The following ADGRL3 variants were observed in gnomAD, a reference collection of about 807,000 sequenced individuals.
ADGRL3 encodes calcium-independent alpha-latrotoxin receptor 3.
A neutral mutation model predicts 153.5 loss-of-function variants in ADGRL3; 62 were observed. That is an observed-to-expected ratio of 0.40 (90% CI 0.33 to 0.50). The LOEUF is 0.50. Ranked by LOEUF, ADGRL3 falls within the 20% of genes least tolerant of loss-of-function variation. The probability of loss-of-function intolerance (pLI) is 0.47; values close to 1 mark genes in which losing one functional copy is unlikely to be tolerated. For missense variants in ADGRL3, 1,641 were observed against 1,859.4 expected (o/e 0.88, Z 2.16); for synonymous variants, 710 against 672.5 (o/e 1.06, Z -0.86).
At chr4:61,948,776 A>G (rs190617730) in intron 17 of ADGRL3, among the ~76,000 whole-genome samples, 73 of 152,318 alleles carry the variant, frequency 4.8e-4, no homozygotes, top group Middle Eastern at 6.8e-3. Flanking sequence ...ATGCAAGAAG[A>G]CACTACTCTA....
At chr4:61,552,605 G>C (rs769168708) in intron 4 of ADGRL3, among the ~76,000 whole-genome samples, 1 of 151,906 alleles carries the variant, frequency 6.6e-6, no homozygotes, top group Non-Finnish European at 1.5e-5. Context: ...CTGACATCAG[G>C]GGTGTGTGCC....
chr4:61,826,096 T>C lies in ADGRL3; in HGVS notation c.1480+12207T>C, dbSNP rs917285379. Among the ~76,000 whole-genome samples the C allele has an allele frequency of 4.3e-4, 65 of 151,880 alleles. 2 individuals are homozygous for C. Among genetic ancestry groups the C allele is most frequent in the South Asian group, 4.2e-4 (2 of 4,790 alleles). On this transcript the variant is annotated intron_variant, in intron 9 of 26. Transcript: ENST00000683033. ...AGAAAAGATTTTTGCCCTCATGGACTTTACCTTGTAGTGGGAGATTTGGAC... is the reference window on the plus strand; with the variant it reads ...AGAAAAGATTTTTGCCCTCATGGACCTTACCTTGTAGTGGGAGATTTGGAC...
rs192288638 is a variant in ADGRL3 at position 61,234,683 on chromosome 4, A to T, written c.-240+32918A>T. On this transcript the variant is annotated intron_variant, in intron 1 of 26. Coordinates refer to ENST00000683033, the MANE Select transcript of ADGRL3 (RefSeq NM_001387552.1). ...TGGAGCTTAGAATAGAAGGAAAGAA[A>T]ATGTTTCAGAAGTTCTTGTTCAAGT... 4.6e-5 allele frequency among the ~76,000 whole-genome samples: 7 copies of T among 152,168 alleles called. No individual in the cohort carries two copies. In the East Asian group the frequency reaches 1.4e-3, roughly 29 times the overall value.
intron 9 of ADGRL3, among the ~76,000 whole-genome samples, chr4:61,825,741 A>G (rs1219140948): frequency 6.6e-6 from 1 of 152,232 alleles, no homozygotes; most frequent in Non-Finnish European, 1.5e-5. Flanking sequence ...ATTATAGGGT[A>G]AAGCTAACCA....
intron 9 of ADGRL3, among the ~76,000 whole-genome samples, chr4:61,873,457 A>G (rs549308919): frequency 4.6e-5 from 7 of 152,290 alleles, no homozygotes; most frequent in African/African-American, 1.7e-4. Context: ...TAAAATAGCA[A>G]AATAAAACCA....
At position 62,076,664 on chromosome 4, in the gene ADGRL3, G is replaced by A. The variant is rs952548636; in HGVS notation, c.*5756G>A. The A allele has an allele frequency of 1.2e-4, 18 of 151,818 alleles. No homozygotes were observed. The highest frequency in any genetic ancestry group is 2.4e-4 in the Non-Finnish European group (16 of 67,834). The allele number at this position is 151,818 out of a possible 1,614,324, so 9.4% of individuals were successfully genotyped here. A position where few individuals can be genotyped will look rare whatever the true frequency, so the allele number is the denominator to read the frequency against. ...TCTGATTTCATTCTGCTAATTCCACGGGAAACATTAAATACTTTAAACACT... is the reference window on the plus strand; with the variant it reads ...TCTGATTTCATTCTGCTAATTCCACAGGAAACATTAAATACTTTAAACACT... On this transcript the variant is annotated 3_prime_UTR_variant, in exon 27 of 27. Coordinates refer to ENST00000683033, the MANE Select transcript of ADGRL3 (RefSeq NM_001387552.1).
intron 9 of ADGRL3, among the ~76,000 whole-genome samples, chr4:61,865,111 T>C (rs1407728167): frequency 6.6e-6 from 1 of 152,192 alleles, no homozygotes; most frequent in African/African-American, 2.4e-5. Flanking sequence ...ACACTAAGCA[T>C]AAACTACGAA....
intron 4 of ADGRL3, among the ~76,000 whole-genome samples, chr4:61,559,716 T>C (rs1383325215): frequency 6.6e-6 from 1 of 152,014 alleles, no homozygotes; most frequent in African/African-American, 2.4e-5. Context: ...ATGAGCGAAA[T>C]ATTTGTGTCT....
rs554571189 is a variant in ADGRL3 at position 61,797,471 on chromosome 4, C to T, written c.1400-16338C>T. On this transcript the variant is annotated intron_variant, in intron 8 of 26. Transcript: ENST00000683033. ...TTAAACTGAGACTTGGTTTCCTCTC[C>T]GATAAAGTAGAAAGAACTGTAGCAA... Among the ~76,000 whole-genome samples, 58 of 151,916 alleles carry T rather than the reference C, an allele frequency of 3.8e-4. 2 individuals are homozygous for T. The highest frequency in any genetic ancestry group is 7.2e-4 in the Non-Finnish European group (49 of 67,986).
At chr4:61,916,574 C>G (rs2098746041) in intron 13 of ADGRL3, among the ~76,000 whole-genome samples, 2 of 149,548 alleles carry the variant, frequency 1.3e-5, no homozygotes, top group African/African-American at 5.1e-5. Context: ...GTGTACTGGC[C>G]CAAGGCCACA....
At chr4:61,508,951 G>A (rs2098447187) in intron 3 of ADGRL3, among the ~76,000 whole-genome samples, 3 of 152,010 alleles carry the variant, frequency 2.0e-5, no homozygotes, top group South Asian at 2.1e-4. Context: ...GGAAACCCCT[G>A]ATAAAACCAT....
At chr4:61,354,886 T>A (rs1578402382) in intron 1 of ADGRL3, among the ~76,000 whole-genome samples, 1 of 152,132 alleles carries the variant, frequency 6.6e-6, no homozygotes, top group East Asian at 1.9e-4. Context: ...GACCTTTGTT[T>A]CTCATTTTAG....
At chr4:61,461,481 A>G (rs771621838) in intron 2 of ADGRL3, among the ~76,000 whole-genome samples, 1 of 152,190 alleles carries the variant, frequency 6.6e-6, no homozygotes, top group Non-Finnish European at 1.5e-5. Flanking sequence ...AATAACATAT[A>G]TACTCTCTAA....
chr4:61,341,633 TTTG>T (rs565162705), intron 1 of ADGRL3, among the ~76,000 whole-genome samples: 83 of 151,974 alleles, frequency 5.5e-4, no homozygotes, highest in Non-Finnish European at 8.7e-4. Context: ...CTTAGATGCT[TTTG>T]TTATTTCAAA....
chr4:61,982,073 GT>G (rs967644338), intron 18 of ADGRL3, among the ~76,000 whole-genome samples: 1 of 152,128 alleles, frequency 6.6e-6, no homozygotes, highest in Non-Finnish European at 1.5e-5. Flanking sequence ...GGAAAATTGT[GT>G]TATTTTCCAA....
At chr4:61,540,275 G>A (rs1032731239) in intron 4 of ADGRL3, among the ~76,000 whole-genome samples, 9 of 152,130 alleles carry the variant, frequency 5.9e-5, no homozygotes, top group Non-Finnish European at 8.8e-5. Context: ...TCTGCCAGGC[G>A]TGGTGGCTTA....
At chr4:61,869,832 G>A (rs188406668) in intron 9 of ADGRL3, among the ~76,000 whole-genome samples, 7 of 150,498 alleles carry the variant, frequency 4.7e-5, no homozygotes, top group South Asian at 4.2e-4. Flanking sequence ...CAGCTACTCC[G>A]GAAGCTGAGA....
At chr4:61,748,142 A>T (rs2096696900) in intron 8 of ADGRL3, among the ~76,000 whole-genome samples, 1 of 151,892 alleles carries the variant, frequency 6.6e-6, no homozygotes, top group African/African-American at 2.4e-5. Flanking sequence ...CTAGGAATCC[A>T]ACTTACAAGG....
intron 8 of ADGRL3, among the ~76,000 whole-genome samples, chr4:61,796,874 G>A (rs2097421471): frequency 6.6e-6 from 1 of 152,152 alleles, no homozygotes; most frequent in Non-Finnish European, 1.5e-5. Flanking sequence ...ATACAAAGAA[G>A]TATTTCAACA....
Sources: allele counts gnomAD v4.1 joint callset (sites outside exome capture counted in the v4.1 genomes callset), GRCh38; gene constraint gnomAD v4.1.1; transcripts MANE v1.5; gene names NCBI Gene and HGNC (gene_info 2026-07-23, HGNC 2026-07-21).